The following CNTRL variants were observed in gnomAD, a reference collection of about 807,000 sequenced individuals.
The protein encoded by CNTRL is centriolin.
CNTRL carries 233 observed loss-of-function variants against 303.7 expected under a neutral mutation model. The ratio of observed to expected loss-of-function variants is 0.77; its 90% CI spans 0.69 to 0.86. The LOEUF is 0.86. CNTRL is among the 40% of genes least tolerant of loss of function. The pLI, the probability that CNTRL is intolerant of heterozygous loss-of-function variation, is 0.00. For missense variants in CNTRL, 2,524 were observed against 2,650.6 expected, an observed-to-expected ratio of 0.95 and a Z score of 1.05; for synonymous variants, 900 against 922.2, an observed-to-expected ratio of 0.98 and a Z score of 0.44.
intron 14 of CNTRL, among the ~76,000 whole-genome samples, chr9:121,126,888 C>T (rs1441044489): frequency 6.6e-6 from 1 of 151,842 alleles, no homozygotes; most frequent in Non-Finnish European, 1.5e-5. Context: ...GTGGCGCAAT[C>T]TCGGCTCACT....
intron 15 of CNTRL, 103 bp downstream of exon 15, chr9:121,136,085 A>C: frequency 5.5e-6 from 6 of 1,082,976 alleles, no homozygotes; most frequent in Non-Finnish European, 7.8e-6. Context: ...GTTTTTTCAT[A>C]CAATATATAT....
Position 121,160,124 on chromosome 9 carries a change from T to G in CNTRL, c.4930-19T>G. On this transcript the variant is annotated intron_variant, in intron 31 of 43. Transcript: ENST00000373855. The stretch of plus-strand genomic sequence containing the variant: ...TTTACAGTCACAGGAGGGAATAACT[T>G]TTTTTTTTTCAAACACAGGAAGTAA... 1 of 1,411,234 alleles carries G rather than the reference T, an allele frequency of 7.1e-7. No homozygotes were observed. The highest frequency in any genetic ancestry group is 9.3e-7 in the Non-Finnish European group (1 of 1,074,486). The allele number at this position is 1,411,234 out of a possible 1,614,324, so 87.4% of individuals were successfully genotyped here.
chr9:121,084,840 G>A (rs1303572471), intron 2 of CNTRL, among the ~76,000 whole-genome samples: 7 of 151,980 alleles, frequency 4.6e-5, no homozygotes, highest in Admixed American at 3.3e-4. Context: ...CACTATGCCC[G>A]GCTGAGGATG....
intron 38 of CNTRL, among the ~76,000 whole-genome samples, chr9:121,168,574 A>C (rs2053183242): frequency 6.6e-6 from 1 of 152,216 alleles, no homozygotes; most frequent in Non-Finnish European, 1.5e-5. Flanking sequence ...AAGAAAGTGG[A>C]ACATTCACGT....
At chr9:121,088,588 G>A in intron 3 of CNTRL, 45 bp downstream of exon 3, 1 of 1,298,916 alleles carries the variant, frequency 7.7e-7, no homozygotes, top group Non-Finnish European at 1.1e-6. Flanking sequence ...CATACTTCAA[G>A]TAGAGATGGA....
intron 14 of CNTRL, among the ~76,000 whole-genome samples, chr9:121,131,306 TG>T (rs2050841528): frequency 6.6e-6 from 1 of 152,244 alleles, no homozygotes; most frequent in African/African-American, 2.4e-5. Flanking sequence ...TTTATGAATC[TG>T]GGTTCTCCTG....
intron 31 of CNTRL, among the ~76,000 whole-genome samples, chr9:121,159,616 C>T (rs185743566): frequency 1.6e-4 from 24 of 148,132 alleles, no homozygotes; most frequent in Non-Finnish European, 2.7e-4. Flanking sequence ...ACCCGGGAGG[C>T]GGAGGTTGCA....
rs1404621222 is a variant in CNTRL at position 121,090,304 on chromosome 9, A to G, written c.247A>G (p.Ile83Val). The change falls in exon 4 of 44, where the codon ATT (isoleucine) becomes GTT (valine). Residue 83 changes from isoleucine to valine, a missense_variant. Ile to Val is a conservative substitution (Grantham distance 29). Transcript: ENST00000373855. Reference sequence around the variant, plus strand: ...TGATTCACATGCAGGAGTTAGATATATTACAGAGGCCCTCATTAAAAAACT... The same window carrying G: ...TGATTCACATGCAGGAGTTAGATATGTTACAGAGGCCCTCATTAAAAAACT... ...GADSHAGVRY[I>V]TEALIKKLTK... 7 of 1,611,280 alleles carry G rather than the reference A, an allele frequency of 4.3e-6. No homozygotes were observed. In the East Asian group the frequency reaches 6.7e-5, roughly 15 times the overall value.
chr9:121,098,965 G>A (rs1367915856), intron 7 of CNTRL, among the ~76,000 whole-genome samples: 3 of 152,198 alleles, frequency 2.0e-5, no homozygotes, highest in Non-Finnish European at 4.4e-5. Context: ...AGTAAGGGGA[G>A]GGAGCAGCTT....
rs755985119 is a variant in CNTRL, at chr9:121,112,526, C to G, written c.1070C>G (p.Ala357Gly). 1.9e-6 allele frequency: 3 copies of G among 1,612,154 alleles called. No individual in the cohort carries two copies. Among genetic ancestry groups the G allele is most frequent in the African/African-American group, 2.7e-5 (2 of 74,802 alleles). ...CAATATGAGCTGGAACAGGAATTGG[C>G]CTTTTATAAAATTGATGCTAAATTT... ...QKQYELEQEL[A>G]FYKIDAKFEP... The change falls in exon 9 of 44, where the codon GCC (alanine) becomes GGC (glycine). Residue 357 changes from alanine (A) to glycine (G), a missense_variant. Ala to Gly is a moderately conservative substitution (Grantham distance 60). Coordinates refer to ENST00000373855, the MANE Select transcript of CNTRL (RefSeq NM_007018.6).
At chr9:121,130,824 A>G (rs1031948180) in intron 14 of CNTRL, among the ~76,000 whole-genome samples, 9 of 152,260 alleles carry the variant, frequency 5.9e-5, no homozygotes, top group Middle Eastern at 3.4e-3. Flanking sequence ...AGATTCTGGT[A>G]TGTTGTGTCT....
At chr9:121,114,919 A>G (rs1000855879) in intron 10 of CNTRL, among the ~76,000 whole-genome samples, 172 bp from the exon 11 acceptor site, 9 of 152,240 alleles carry the variant, frequency 5.9e-5, no homozygotes, top group Non-Finnish European at 1.3e-4. Context: ...AGAGATTAAT[A>G]AATAGACAAA....
In CNTRL at chr9:121,121,455, A is replaced by G. The variant is rs570936397; in HGVS notation, c.1651-2476A>G. Among the ~76,000 whole-genome samples the G allele has an allele frequency of 9.7e-4, 148 of 152,380 alleles. 1 individual carries two copies. The highest frequency in any genetic ancestry group is 3.4e-3 in the African/African-American group (143 of 41,594). The stretch of plus-strand genomic sequence containing the variant: ...TTAAAATTAGCTCAGAACTAAGCCT[A>G]GGCAGGTTTTCAGCAAATATAAGCA... On this transcript the variant is annotated intron_variant, in intron 12 of 43. Transcript: ENST00000373855.
intron 43 of CNTRL, among the ~76,000 whole-genome samples, chr9:121,175,802 T>C (rs2053500647): frequency 6.6e-6 from 1 of 152,212 alleles, no homozygotes; most frequent in Admixed American, 6.5e-5. Context: ...ACTATTCATG[T>C]CCTCCACTTC....
At chr9:121,150,689 G>A (rs2052182086) in intron 25 of CNTRL, 1 of 551,478 alleles carries the variant, frequency 1.8e-6, no homozygotes, top group African/African-American at 1.9e-5. Flanking sequence ...AGCTACTCAG[G>A]AGACTGAGAC....
At chr9:121,114,112 A>G (rs1169782625) in intron 10 of CNTRL, among the ~76,000 whole-genome samples, 1 of 152,252 alleles carries the variant, frequency 6.6e-6, no homozygotes, top group Non-Finnish European at 1.5e-5. Flanking sequence ...ATAAGCTGCA[A>G]CAGAGCATTC....
intron 34 of CNTRL, among the ~76,000 whole-genome samples, chr9:121,164,653 T>C (rs1367015848): frequency 6.6e-6 from 1 of 152,224 alleles, no homozygotes; most frequent in African/African-American, 2.4e-5. Context: ...TTCTACTCTT[T>C]CGATTGTCAC....
In CNTRL at chr9:121,157,756, G is replaced by A. The variant is rs375926754; in HGVS notation, c.4513G>A (p.Ala1505Thr). The A allele has an allele frequency of 6.2e-7, 1 of 1,614,036 alleles. No homozygotes were observed. Among genetic ancestry groups the A allele is most frequent in the African/African-American group, 1.3e-5 (1 of 74,920 alleles). ...DQQLRSLQAD[A>T]KDLEQHKIKQ... The stretch of plus-strand genomic sequence containing the variant: ...GTGCTTTAGATCGCTCCAGGCTGAT[G>A]CAAAGGATTTGGAGCAGCACAAAAT... The change falls in exon 29 of 44, where the codon GCA (alanine) becomes ACA (threonine). Residue 1505 changes from alanine (A) to threonine (T), a missense_variant. Ala to Thr is a moderately conservative substitution (Grantham distance 58). Transcript: ENST00000373855.
chr9:121,138,996 C>T (rs2133937279), intron 16 of CNTRL, among the ~76,000 whole-genome samples: 1 of 152,234 alleles, frequency 6.6e-6, no homozygotes, highest in Non-Finnish European at 1.5e-5. Flanking sequence ...GATTTGTCAC[C>T]AGACCAAACT....
Sources: gnomAD v4.1 joint callset for allele counts (sites outside exome capture counted in the v4.1 genomes callset) on GRCh38, gnomAD v4.1.1 for gene constraint, MANE v1.5 for transcripts, NCBI Gene and HGNC (gene_info 2026-07-23, HGNC 2026-07-21) for gene names.